Variants in PLPPR1 observed in about 807,000 individuals in gnomAD.
PLPPR1 encodes phospholipid phosphatase-related protein type 1.
Under a neutral mutation model 33.1 loss-of-function variants are expected in PLPPR1, and 10 were observed. The ratio of observed to expected loss-of-function variants is 0.30; its 90% CI spans 0.19 to 0.51. PLPPR1 has a LOEUF of 0.51. Among genes scored for constraint, PLPPR1 ranks in the 20% least tolerant of loss-of-function variants. The pLI is 0.97. For missense variants in PLPPR1, 304 were observed against 408.1 expected, an observed-to-expected ratio of 0.74 and a Z score of 2.20; for synonymous variants, 151 against 151.0, an observed-to-expected ratio of 1.00 and a Z score of 0.00.
chr9:101,188,474 A>G (rs1035623999), intron 2 of PLPPR1, among the ~76,000 whole-genome samples: 14 of 151,750 alleles, frequency 9.2e-5, no homozygotes, highest in Non-Finnish European at 2.9e-5. Context: ...TTCTTTTCCA[A>G]TTGTCATGTT....
intron 2 of PLPPR1, among the ~76,000 whole-genome samples, chr9:101,224,442 C>T (rs1317843325): frequency 6.6e-6 from 1 of 152,140 alleles, no homozygotes; most frequent in South Asian, 2.1e-4. Context: ...ATGATGCTCT[C>T]GGCTGCTGTC....
chr9:101,315,893 G>A (rs2118964625), intron 6 of PLPPR1, among the ~76,000 whole-genome samples: 1 of 152,330 alleles, frequency 6.6e-6, no homozygotes. Context: ...GTTCCCATGA[G>A]GCGGAATGTG....
chr9:101,194,711 C>G (rs1404777574), intron 2 of PLPPR1, among the ~76,000 whole-genome samples: 1 of 150,026 alleles, frequency 6.7e-6, no homozygotes, highest in East Asian at 2.0e-4. Context: ...AGATAGAGCG[C>G]CGTTGCACTC....
At chr9:101,172,745 C>T (rs1208294599) in intron 1 of PLPPR1, among the ~76,000 whole-genome samples, 1 of 152,098 alleles carries the variant, frequency 6.6e-6, no homozygotes, top group African/African-American at 2.4e-5. Context: ...ACATTCCCAG[C>T]TCTATCTACC....
At chr9:101,236,135 C>T (rs1195715844) in intron 2 of PLPPR1, among the ~76,000 whole-genome samples, 1 of 151,650 alleles carries the variant, frequency 6.6e-6, no homozygotes, top group South Asian at 2.1e-4. Context: ...TTCTAGTATT[C>T]TCTCCATCAA....
chr9:101,314,485 T>C (rs1315170736), intron 6 of PLPPR1, among the ~76,000 whole-genome samples: 8 of 152,310 alleles, frequency 5.3e-5, no homozygotes, highest in African/African-American at 1.7e-4. Flanking sequence ...TTCCAGACCA[T>C]TGCAACAGTG....
At chr9:101,314,349 T>C (rs1380407290) in intron 6 of PLPPR1, among the ~76,000 whole-genome samples, 1 of 152,214 alleles carries the variant, frequency 6.6e-6, no homozygotes, top group Non-Finnish European at 1.5e-5. Flanking sequence ...TCTCCCAGCC[T>C]CTAACTTGGT....
chr9:101,078,110 GAAGAAGAAGAAGAAGAAGAAGAAGAAGA>G (rs1830564420), intron 1 of PLPPR1, among the ~76,000 whole-genome samples: 2 of 11,632 alleles, frequency 1.7e-4, no homozygotes, highest in Non-Finnish European at 3.0e-4. Flanking sequence ...AGGAGAAGAA[GAAGAAGAAGAAGAAGAAGAAGAAGAAGA>G]AGAAGAAGAA....
At chr9:101,255,944 T>G (rs1827794566) in intron 2 of PLPPR1, among the ~76,000 whole-genome samples, 1 of 152,180 alleles carries the variant, frequency 6.6e-6, no homozygotes, top group African/African-American at 2.4e-5. Flanking sequence ...TCCTAGTGTC[T>G]TGGGAATTTC....
At chr9:101,083,261 C>T (rs1322217042) in intron 1 of PLPPR1, among the ~76,000 whole-genome samples, 2 of 151,736 alleles carry the variant, frequency 1.3e-5, no homozygotes, top group East Asian at 3.9e-4. Flanking sequence ...GGGGTTCGAA[C>T]GATTCTCCTG....
intron 1 of PLPPR1, among the ~76,000 whole-genome samples, chr9:101,109,753 AT>A (rs1831028120): frequency 6.6e-6 from 1 of 152,160 alleles, no homozygotes; most frequent in Non-Finnish European, 1.5e-5. Context: ...TCTTGGGTAT[AT>A]TCCTTTTTTC....
chr9:101,060,069 A>C (rs1259250486), intron 1 of PLPPR1, among the ~76,000 whole-genome samples: 1 of 152,078 alleles, frequency 6.6e-6, no homozygotes, highest in African/African-American at 2.4e-5. Context: ...GAATCAACCT[A>C]AGTTATCATC....
intron 2 of PLPPR1, among the ~76,000 whole-genome samples, chr9:101,255,856 C>G (rs1487065781): frequency 6.6e-6 from 1 of 152,134 alleles, no homozygotes; most frequent in African/African-American, 2.4e-5. Flanking sequence ...AATAGTGCAT[C>G]TATGTGAATG....
intron 1 of PLPPR1, among the ~76,000 whole-genome samples, chr9:101,057,897 T>C (rs570659436): frequency 6.6e-6 from 1 of 152,232 alleles, no homozygotes; most frequent in Non-Finnish European, 1.5e-5. Flanking sequence ...AGGCTGTTAG[T>C]TTCTTTTTGC....
At chr9:101,084,241 A>G (rs530511387) in intron 1 of PLPPR1, among the ~76,000 whole-genome samples, 11 of 152,296 alleles carry the variant, frequency 7.2e-5, no homozygotes, top group African/African-American at 2.6e-4. Context: ...AAATTCCAGG[A>G]TCTGGATAGG....
chr9:101,206,768 A>G (rs954258950), intron 2 of PLPPR1, among the ~76,000 whole-genome samples: 1 of 152,144 alleles, frequency 6.6e-6, no homozygotes, highest in Non-Finnish European at 1.5e-5. Context: ...ACTACTATCC[A>G]TACCTGAAAG....
At chr9:101,102,093 CT>C (rs397937393) in intron 1 of PLPPR1, among the ~76,000 whole-genome samples, 4,894 of 71,822 alleles carry the variant, frequency 0.068, 132 homozygotes, top group South Asian at 0.19. Context: ...GTAGGAACAA[CT>C]TTTTTTTTTT....
At chr9:101,046,302 C>T (rs562793810) in intron 1 of PLPPR1, among the ~76,000 whole-genome samples, 16 of 152,078 alleles carry the variant, frequency 1.1e-4, no homozygotes, top group Admixed American at 2.6e-4. Context: ...AAATGCATGA[C>T]GCCCTCCCCT....
At chr9:101,118,994 C>T (rs1340696685) in intron 1 of PLPPR1, among the ~76,000 whole-genome samples, 1 of 152,078 alleles carries the variant, frequency 6.6e-6, no homozygotes, top group East Asian at 1.9e-4. Context: ...CTAGAAGCTC[C>T]TGAAGGACTT....
Sources: allele counts gnomAD v4.1 joint callset (sites outside exome capture counted in the v4.1 genomes callset), GRCh38; gene constraint gnomAD v4.1.1; transcripts MANE v1.5; gene names NCBI Gene and HGNC (gene_info 2026-07-23, HGNC 2026-07-21).